LRRC74A: variants seen among roughly 807,000 people sequenced by gnomAD.
LRRC74A encodes the protein leucine rich repeat containing 74A.
Under a neutral mutation model 57.9 loss-of-function variants are expected in LRRC74A, and 44 were observed. The ratio of observed to expected loss-of-function variants is 0.76; its 90% CI spans 0.60 to 0.98. The LOEUF (loss-of-function observed/expected upper bound fraction) is 0.98, where lower values mean the gene tolerates loss of function less well. Ranked by LOEUF, LRRC74A falls within the 50% of genes least tolerant of loss-of-function variation. The probability of loss-of-function intolerance (pLI) is 0.00; values close to 1 mark genes in which losing one functional copy is unlikely to be tolerated. For missense variants in LRRC74A, 572 were observed against 574.0 expected (o/e 1.00, Z 0.04); for synonymous variants, 211 against 219.4 (o/e 0.96, Z 0.34).
In LRRC74A at chr14:76,865,925, A is replaced by T. The variant is rs962919695; in HGVS notation, c.1201-43A>T. On this transcript the variant is annotated intron_variant, in intron 11 of 13. Transcript: ENST00000689127. ...GGAAGGGGGACCTGCGATCGTTGTT[A>T]CAAGACCAAGTGTTTGCTCCTGGTC... The T allele has an allele frequency of 4.2e-6, 6 of 1,422,434 alleles. No homozygotes were observed. In the African/African-American group the frequency reaches 7.1e-5, roughly 17 times the overall value. The allele number at this position is 1,422,434 out of a possible 1,614,324, so 88.1% of individuals were successfully genotyped here.
chr14:76,826,796 A>G (rs1002822573), intron 1 of LRRC74A, 62 bp downstream of exon 1: 5 of 1,138,624 alleles, frequency 4.4e-6, no homozygotes, highest in African/African-American at 1.5e-5. Flanking sequence ...TACAACACCT[A>G]GTGATCACAG....
intron 5 of LRRC74A, among the ~76,000 whole-genome samples, chr14:76,839,806 C>T (rs1205412130): frequency 1.3e-5 from 2 of 152,156 alleles, no homozygotes; most frequent in Non-Finnish European, 2.9e-5. Context: ...CCTCGACTCA[C>T]TGCAACCCCC....
rs773888392 is a variant in LRRC74A, at chr14:76,844,867, T to A, written c.642T>A (p.Ser214=). ...KKLDLSHNQF[S]DVGGEHLGQM... is the part of the protein sequence containing the mutation. ...TGGATCTCAGTCACAACCAATTCTC[T>A]GATGTAGGAGGGGAGCACCTGGGCC... The change falls in exon 7 of 14, where the codon TCT becomes TCA. Residue 214 remains serine (S), a synonymous_variant. Coordinates refer to ENST00000689127, the MANE Select transcript of LRRC74A (RefSeq NM_001385106.1). 3.1e-6 allele frequency: 5 copies of A among 1,592,782 alleles called. No individual in the cohort carries two copies. Among genetic ancestry groups the A allele is most frequent in the Non-Finnish European group, 4.3e-6 (5 of 1,160,862 alleles).
rs199887887 is a variant in LRRC74A at position 76,852,408 on chromosome 14, C to T, written c.720C>T (p.Asn240=). The change falls in exon 8 of 14, where the codon AAC becomes AAT. Residue 240 remains asparagine, a synonymous_variant. Coordinates refer to ENST00000689127, the MANE Select transcript of LRRC74A (RefSeq NM_001385106.1). ...CGTCACTGGATCTGAGCTGGAATAA[C>T]TTCCACACAAGGGGAGCTGTGGCCT... The part of the protein sequence containing the change: ...GLTSLDLSWN[N]FHTRGAVALC... 1.1e-3 allele frequency: 1,723 copies of T among 1,612,354 alleles called. 2 individuals are homozygous for T. The highest frequency in any genetic ancestry group is 1.4e-3 in the Non-Finnish European group (1,669 of 1,178,982).
At chr14:76,858,986 C>T (rs1303782670) in intron 10 of LRRC74A, among the ~76,000 whole-genome samples, 1 of 152,160 alleles carries the variant, frequency 6.6e-6, no homozygotes, top group East Asian at 1.9e-4. Flanking sequence ...GAGACATTGT[C>T]AAACATAGCT....
At chr14:76,867,005 T>G (rs1287428987) in intron 12 of LRRC74A, among the ~76,000 whole-genome samples, 1 of 9,998 alleles carries the variant, frequency 1.0e-4, no homozygotes, top group Non-Finnish European at 1.6e-4. Context: ...TGTGGTAGTG[T>G]GGGGGGGTGT....
Position 76,859,458 on chromosome 14 carries a change from T to A in LRRC74A, c.1054-1235T>A, listed in dbSNP as rs1290357774. On this transcript the variant is annotated intron_variant, in intron 10 of 13. Transcript: ENST00000689127. ...CTGAAGCAGGAGAATCACTTGAACCTGGGAGGCAGAGGTTGTGATAAGCCA... is the reference window on the plus strand; with the variant it reads ...CTGAAGCAGGAGAATCACTTGAACCAGGGAGGCAGAGGTTGTGATAAGCCA... Among the ~76,000 whole-genome samples, 8 of 146,324 alleles carry A rather than the reference T, an allele frequency of 5.5e-5. No homozygotes were observed. The East Asian group carries it at 1.2e-3, about 22-fold the overall frequency.
intron 10 of LRRC74A, among the ~76,000 whole-genome samples, chr14:76,857,725 C>A (rs189212898): frequency 1.7e-4 from 26 of 152,096 alleles, no homozygotes; most frequent in Non-Finnish European, 3.4e-4. Context: ...GCTATGAAAA[C>A]CTGAGAGTAG....
intron 9 of LRRC74A, among the ~76,000 whole-genome samples, chr14:76,855,243 C>A (rs376729620): frequency 1.6e-3 from 248 of 152,300 alleles, no homozygotes; most frequent in African/African-American, 5.6e-3. Flanking sequence ...GGAGTCCCAG[C>A]TGGGGTGGAG....
At chr14:76,849,980 G>A (rs775976508) in intron 7 of LRRC74A, among the ~76,000 whole-genome samples, 6 of 151,942 alleles carry the variant, frequency 3.9e-5, no homozygotes, top group Admixed American at 6.6e-5. Context: ...AGGCCGAGGC[G>A]GGCGGATCAC....
intron 8 of LRRC74A, among the ~76,000 whole-genome samples, chr14:76,852,864 A>G (rs1351986918): frequency 6.6e-6 from 1 of 151,868 alleles, no homozygotes; most frequent in Non-Finnish European, 1.5e-5. Context: ...TGATCCACCC[A>G]CCTCAGCCTC....
intron 3 of LRRC74A, among the ~76,000 whole-genome samples, chr14:76,835,605 C>A (rs1282969365): frequency 6.6e-6 from 1 of 152,006 alleles, no homozygotes; most frequent in East Asian, 1.9e-4. Flanking sequence ...AGTACCAGAG[C>A]GAGGTGTGGT....
chr14:76,840,048 T>A (rs1416578460), intron 5 of LRRC74A, among the ~76,000 whole-genome samples: 1 of 152,232 alleles, frequency 6.6e-6, no homozygotes, highest in East Asian at 1.9e-4. Context: ...TACTTTCTTG[T>A]AGCAAAGTTT....
rs201148819 is a variant in LRRC74A at position 76,866,015 on chromosome 14, C to T, written c.1248C>T (p.Ser416=). The change falls in exon 12 of 14, where the codon AGC becomes AGT. Residue 416 remains serine (S), a synonymous_variant. Coordinates refer to ENST00000689127, the MANE Select transcript of LRRC74A (RefSeq NM_001385106.1). ...TCACGATCGTGGACTTCTTCAAGAGCTTGAACCCCACTGGGACAATGAAGA... is the reference window on the plus strand; with the variant it reads ...TCACGATCGTGGACTTCTTCAAGAGTTTGAACCCCACTGGGACAATGAAGA... ...HKITIVDFFK[S]LNPTGTMKMS... The T allele has an allele frequency of 1.2e-4, 200 of 1,604,226 alleles. No individual in the cohort carries two copies. The African/African-American group carries it at 2.4e-3, about 19-fold the overall frequency.
intron 2 of LRRC74A, among the ~76,000 whole-genome samples, chr14:76,830,588 G>C (rs2140254946): frequency 6.6e-6 from 1 of 152,388 alleles, no homozygotes; most frequent in East Asian, 1.9e-4. Flanking sequence ...GCAAGCTTTT[G>C]AAAGAAGAAA....
rs1420515420 is a variant in LRRC74A, at chr14:76,844,822, C to T, written c.597C>T (p.Thr199=). ...CTTTCCCCTGTTTGTTTCTGTAGAC[C>T]AATTACCAAATTAAAAAGCTGGATC... ...SAALLCQALS[T]NYQIKKLDLS... Residue 199 remains threonine (T), a splice_region_variant and synonymous_variant, in exon 7 of 14, where the codon ACC becomes ACT. Transcript: ENST00000689127. The T allele has an allele frequency of 6.5e-7, 1 of 1,540,962 alleles. No individual in the cohort carries two copies. Among genetic ancestry groups the T allele is most frequent in the Non-Finnish European group, 9.0e-7 (1 of 1,114,008 alleles).
intron 7 of LRRC74A, among the ~76,000 whole-genome samples, chr14:76,848,687 C>A (rs1897256242): frequency 6.6e-6 from 1 of 152,068 alleles, no homozygotes. Context: ...ACATAGAGTC[C>A]AAGGAGAGTT....
chr14:76,867,465 C>G (rs750472121), intron 13 of LRRC74A, 27 bp downstream of exon 13: 2 of 1,320,494 alleles, frequency 1.5e-6, no homozygotes, highest in Non-Finnish European at 2.2e-6. Context: ...CGACGATCCC[C>G]GTTCTCTGCA....
intron 3 of LRRC74A, among the ~76,000 whole-genome samples, chr14:76,834,245 T>A (rs950484133): frequency 3.3e-5 from 5 of 152,030 alleles, no homozygotes; most frequent in African/African-American, 1.2e-4. Context: ...TTATCAAGGG[T>A]GGAAAGGCTG....
Sources: gnomAD v4.1 joint callset for allele counts (sites outside exome capture counted in the v4.1 genomes callset) on GRCh38, gnomAD v4.1.1 for gene constraint, MANE v1.5 for transcripts, NCBI Gene and HGNC (gene_info 2026-07-23, HGNC 2026-07-21) for gene names.